Variants in KLRD1 observed in about 807,000 individuals in gnomAD.
The protein encoded by KLRD1 is natural killer cells antigen CD94.
KLRD1 carries 21 observed loss-of-function variants against 22.6 expected under a neutral mutation model. The observed-to-expected ratio is 0.93, with a 90% CI of 0.66 to 1.34. The LOEUF (loss-of-function observed/expected upper bound fraction) is 1.34, where lower values mean the gene tolerates loss of function less well. KLRD1 is among the 40% of genes most tolerant of loss of function. The pLI is 0.00. For missense variants in KLRD1, 183 were observed against 208.6 expected (o/e 0.88, Z 0.76); for synonymous variants, 59 against 71.1 (o/e 0.83, Z 0.85).
intron 1 of KLRD1, among the ~76,000 whole-genome samples, chr12:10,294,215 G>A (rs1949801976): frequency 6.6e-6 from 1 of 152,114 alleles, no homozygotes; most frequent in African/African-American, 2.4e-5. Context: ...CCCAAATACT[G>A]TATTTTAACA....
At chr12:10,298,670 A>G (rs921679769) in intron 1 of KLRD1, among the ~76,000 whole-genome samples, 5 of 152,270 alleles carry the variant, frequency 3.3e-5, no homozygotes, top group Non-Finnish European at 7.3e-5. Context: ...TTCTTAAACC[A>G]TGAACAATAG....
intron 1 of KLRD1, among the ~76,000 whole-genome samples, chr12:10,248,108 G>A (rs1949309611): frequency 6.6e-6 from 1 of 152,130 alleles, no homozygotes; most frequent in South Asian, 2.1e-4. Flanking sequence ...TAGTGTCACT[G>A]CTTCAGTGAA....
intron 1 of KLRD1, among the ~76,000 whole-genome samples, chr12:10,298,776 A>C (rs145587929): frequency 0.026 from 3,916 of 152,320 alleles, 151 homozygotes; most frequent in East Asian, 0.15. Context: ...TCCCATAAGG[A>C]ATACTTTCAG....
Position 10,311,210 on chromosome 12 carries a change from C to T in KLRD1, c.164-254C>T, listed in dbSNP as rs533896270. On this transcript the variant is annotated intron_variant, in intron 3 of 5. Transcript: ENST00000336164. ...TTAATTTTTTTGTACTTATCTAAAT[C>T]ATCACTAAATATCGTTAATAAATTA... 4.6e-5 allele frequency among the ~76,000 whole-genome samples: 7 copies of T among 152,210 alleles called. No homozygotes were observed. The South Asian group carries it at 1.0e-3, about 23-fold the overall frequency.
Position 10,309,374 on chromosome 12 carries a change from G to A in KLRD1, c.8-14G>A, listed in dbSNP as rs1402727204. The A allele has an allele frequency of 1.6e-6, 2 of 1,236,684 alleles. No individual in the cohort carries two copies. Among genetic ancestry groups the A allele is most frequent in the Admixed American group, 1.7e-5 (1 of 57,540 alleles). The allele number at this position is 1,236,684 out of a possible 1,614,324, so 76.6% of individuals were successfully genotyped here. A position where few individuals can be genotyped will look rare whatever the true frequency, so the allele number is the denominator to read the frequency against. On this transcript the variant is annotated splice_polypyrimidine_tract_variant and intron_variant, in intron 1 of 5. Transcript: ENST00000336164. Reference sequence around the variant, plus strand: ...TGCTCTTTAAGTCATTACTCTGTCTGTCTTTCTCTACAGTGTTTAAGACCA... The same window carrying A: ...TGCTCTTTAAGTCATTACTCTGTCTATCTTTCTCTACAGTGTTTAAGACCA...
At chr12:10,296,155 G>A (rs2537784) in intron 1 of KLRD1, among the ~76,000 whole-genome samples, 148,943 of 152,340 alleles carry the variant, frequency 0.98, 72,896 homozygotes, top group East Asian at 1. Flanking sequence ...ACTACAGACT[G>A]TAGGACATAC....
At chr12:10,244,812 A>C (rs1949275859) in intron 1 of KLRD1, among the ~76,000 whole-genome samples, 1 of 151,842 alleles carries the variant, frequency 6.6e-6, no homozygotes, top group African/African-American at 2.4e-5. Flanking sequence ...CAAAAAAAAA[A>C]CCAAAACAAA....
At chr12:10,260,127 TCA>T (rs1565451188) in intron 1 of KLRD1, among the ~76,000 whole-genome samples, 1 of 151,834 alleles carries the variant, frequency 6.6e-6, no homozygotes, top group Non-Finnish European at 1.5e-5. Flanking sequence ...AACTAAATGC[TCA>T]TATCATTCCC....
intron 1 of KLRD1, among the ~76,000 whole-genome samples, chr12:10,239,283 A>G (rs1297013584): frequency 6.6e-6 from 1 of 152,216 alleles, no homozygotes; most frequent in Non-Finnish European, 1.5e-5. Flanking sequence ...CTCTAGGAGC[A>G]CGGGTTCTAA....
chr12:10,279,041 A>G (rs1033314174), intron 1 of KLRD1, among the ~76,000 whole-genome samples: 23 of 145,692 alleles, frequency 1.6e-4, no homozygotes, highest in East Asian at 4.1e-4. Context: ...GATTTGCTAC[A>G]TGGGTAAATT....
rs906786578 is a variant in KLRD1 at position 10,320,927 on chromosome 12, C to T, written c.*6134C>T. The T allele has an allele frequency of 3.3e-5, 5 of 152,080 alleles. No homozygotes were observed. The highest frequency in any genetic ancestry group is 6.5e-5 in the Admixed American group (1 of 15,274). The allele number at this position is 152,080 out of a possible 1,614,324, so 9.4% of individuals were successfully genotyped here. On this transcript the variant is annotated 3_prime_UTR_variant, in exon 6 of 6. Coordinates refer to ENST00000336164, the MANE Select transcript of KLRD1 (RefSeq NM_002262.5). ...AGAAGATTGAAGAGATTTATGTGTGCGGTTTTTACAAATAGAGTTCATAGA... is the reference window on the plus strand; with the variant it reads ...AGAAGATTGAAGAGATTTATGTGTGTGGTTTTTACAAATAGAGTTCATAGA...
chr12:10,311,763 G>A (rs1246568777), intron 4 of KLRD1, 148 bp downstream of exon 4: 2 of 572,926 alleles, frequency 3.5e-6, no homozygotes, highest in Non-Finnish European at 5.8e-6. Context: ...GTACCTTAAA[G>A]TAGTCATTGT....
In KLRD1 at chr12:10,268,064, T is replaced by A. The variant is rs549297978; in HGVS notation, c.-100-39914T>A. On this transcript the variant is annotated intron_variant, in intron 1 of 5. Transcript: ENST00000544747. Reference sequence around the variant, plus strand: ...GTAAAGGTAAGTGAGTTTATAAAATTTGCATTTTGAGGAGACAATTCTGGA... The same window carrying A: ...GTAAAGGTAAGTGAGTTTATAAAATATGCATTTTGAGGAGACAATTCTGGA... Among the ~76,000 whole-genome samples, 117 of 152,290 alleles carry A rather than the reference T, an allele frequency of 7.7e-4. 2 individuals are homozygous for A. The highest frequency in any genetic ancestry group is 2.6e-3 in the African/African-American group (106 of 41,560).
intron 1 of KLRD1, among the ~76,000 whole-genome samples, chr12:10,282,418 C>T (rs764932984): frequency 1.3e-4 from 20 of 152,090 alleles, no homozygotes; most frequent in South Asian, 6.2e-4. Flanking sequence ...CTACCATGCC[C>T]GGCTAATTTT....
Position 10,309,409 on chromosome 12 carries a change from G to C in KLRD1, c.29G>C (p.Arg10Thr). 1.3e-6 allele frequency: 2 copies of C among 1,520,956 alleles called. No individual in the cohort carries two copies. The highest frequency in any genetic ancestry group is 2.2e-5 in the South Asian group (2 of 89,130). 94.2% of individuals were successfully genotyped at this position (1,520,956 alleles called of 1,614,324 possible). The change falls in exon 2 of 6, where the codon AGG becomes ACG. Residue 10 changes from arginine to threonine, a missense_variant. Arg to Thr is a moderately conservative substitution (Grantham distance 71, BLOSUM62 -1). Transcript: ENST00000336164. ...ACAGTGTTTAAGACCACTCTGTGGAGGTTAATTTCTGGGACCTTAGGGATA... is the reference window on the plus strand; with the variant it reads ...ACAGTGTTTAAGACCACTCTGTGGACGTTAATTTCTGGGACCTTAGGGATA... Reference protein sequence around the residue: MAVFKTTLWRLISGTLGIIC... With the variant: MAVFKTTLWTLISGTLGIIC...
At chr12:10,239,181 T>A (rs4600303) in intron 1 of KLRD1, among the ~76,000 whole-genome samples, 1 of 152,214 alleles carries the variant, frequency 6.6e-6, no homozygotes, top group African/African-American at 2.4e-5. Flanking sequence ...TCTAATGGGC[T>A]GGTGGCCAAG....
intron 1 of KLRD1, among the ~76,000 whole-genome samples, chr12:10,268,724 A>T (rs1949522496): frequency 6.6e-6 from 1 of 152,194 alleles, no homozygotes; most frequent in Non-Finnish European, 1.5e-5. Context: ...ACTAATAGTT[A>T]TAGCAGTCAT....
intron 1 of KLRD1, among the ~76,000 whole-genome samples, chr12:10,257,135 TTTTC>T: frequency 2.9e-5 from 1 of 34,854 alleles, no homozygotes; most frequent in African/African-American, 4.0e-5. Flanking sequence ...TTTTCTTTTC[TTTTC>T]TTTTTTTTTT....
intron 1 of KLRD1, among the ~76,000 whole-genome samples, chr12:10,245,673 A>C (rs916088422): frequency 2.0e-5 from 3 of 152,138 alleles, no homozygotes; most frequent in African/African-American, 7.3e-5. Flanking sequence ...TTGAGCCAAC[A>C]TATAGATAAT....
Sources: allele counts gnomAD v4.1 joint callset (sites outside exome capture counted in the v4.1 genomes callset), GRCh38; gene constraint gnomAD v4.1.1; transcripts MANE v1.5; gene names NCBI Gene and HGNC (gene_info 2026-07-23, HGNC 2026-07-21).